Variants in PCDHA10 observed in about 807,000 individuals in gnomAD.
PCDHA10 encodes protocadherin alpha-10.
A neutral mutation model predicts 61.2 loss-of-function variants in PCDHA10; 45 were observed. The ratio of observed to expected loss-of-function variants is 0.74; its 90% CI spans 0.58 to 0.94. The LOEUF (loss-of-function observed/expected upper bound fraction) is 0.94. Ranked by LOEUF, PCDHA10 falls within the 40% of genes least tolerant of loss-of-function variation. The probability of loss-of-function intolerance (pLI) is 0.00; values close to 1 mark genes in which losing one functional copy is unlikely to be tolerated. For synonymous variants in PCDHA10, 602 were observed against 548.8 expected (o/e 1.10, Z -1.35); for missense variants, 1,278 against 1,236.2 (o/e 1.03, Z -0.51).
At chr5:140,989,865 C>T (rs1209207256) in intron 3 of PCDHA10, among the ~76,000 whole-genome samples, 1 of 152,034 alleles carries the variant, frequency 6.6e-6, no homozygotes, top group Non-Finnish European at 1.5e-5. Flanking sequence ...AGGAATCTTT[C>T]TCTGCCTCAG....
intron 1 of PCDHA10, among the ~76,000 whole-genome samples, chr5:140,947,415 G>C (rs116670354): frequency 0.021 from 3,167 of 151,674 alleles, 64 homozygotes; most frequent in Admixed American, 0.045. Flanking sequence ...TGATATTGTA[G>C]CTTTATAAAT....
At chr5:140,870,483 C>A (rs782740203) in intron 1 of PCDHA10, 13 of 1,614,122 alleles carry the variant, frequency 8.1e-6, no homozygotes, top group East Asian at 2.2e-5. Context: ...CCGAGTACAC[C>A]GTGTTCGTGA....
chr5:140,884,737 T>C (rs1554181872), intron 1 of PCDHA10: 1 of 1,443,634 alleles, frequency 6.9e-7, no homozygotes, highest in Non-Finnish European at 9.1e-7. Context: ...AAGACATCTT[T>C]CCTGCCAATT....
In PCDHA10 at chr5:140,999,156, C is replaced by T. The variant is rs533302480; in HGVS notation, c.2537-10471C>T. On this transcript the variant is annotated intron_variant, in intron 3 of 3. Transcript: ENST00000307360. ...GTCACAGCCGGAAGTCTTCAGTCCCCTAGAAGGAAAAGAGCCTGATGGGGA... is the reference window on the plus strand; with the variant it reads ...GTCACAGCCGGAAGTCTTCAGTCCCTTAGAAGGAAAAGAGCCTGATGGGGA... 4.6e-5 allele frequency among the ~76,000 whole-genome samples: 7 copies of T among 152,280 alleles called. No individual in the cohort carries two copies. In the East Asian group the frequency reaches 1.4e-3, roughly 29 times the overall value.
At chr5:140,926,974 G>C (rs145276602) in intron 1 of PCDHA10, 2 of 1,610,140 alleles carry the variant, frequency 1.2e-6, no homozygotes, top group East Asian at 2.2e-5. Context: ...CTCAGTGCCG[G>C]AGGAGACGGA....
intron 3 of PCDHA10, among the ~76,000 whole-genome samples, chr5:140,995,012 AGG>A (rs1360435760): frequency 6.6e-6 from 1 of 152,218 alleles, no homozygotes; most frequent in Non-Finnish European, 1.5e-5. Context: ...GTTTATATTT[AGG>A]AAAGAAGATT....
At chr5:140,883,628 G>A (rs903824034) in intron 1 of PCDHA10, 1 of 1,613,884 alleles carries the variant, frequency 6.2e-7, no homozygotes, top group Admixed American at 1.7e-5. Context: ...CAACGCGCCG[G>A]CGTTCGCGCA....
At chr5:140,925,286 A>G (rs545624226) in intron 1 of PCDHA10, among the ~76,000 whole-genome samples, 9 of 152,288 alleles carry the variant, frequency 5.9e-5, no homozygotes, top group African/African-American at 2.2e-4. Context: ...TTGCCTTTCA[A>G]ATGTTTCATT....
In PCDHA10 at chr5:140,856,177, C is replaced by G. The variant is rs200004763; in HGVS notation, c.129C>G (p.Phe43Leu). 6.3e-7 allele frequency: 1 copy of G among 1,598,248 alleles called. No individual in the cohort carries two copies. Among genetic ancestry groups the G allele is most frequent in the East Asian group, 2.2e-5 (1 of 44,856 alleles). The part of the protein sequence containing the change: ...SVYEEARHGT[F>L]VGRIAQDLGL... ...ACGAGGAGGCCAGACACGGCACCTT[C>G]GTGGGCCGCATCGCGCAGGACCTGG... is the stretch of plus-strand genomic sequence containing the variant. The change falls in exon 1 of 4, where the codon TTC (phenylalanine) becomes TTG (leucine). Residue 43 changes from phenylalanine (F) to leucine (L), a missense_variant. Coordinates refer to ENST00000307360, the MANE Select transcript of PCDHA10 (RefSeq NM_018901.4).
intron 3 of PCDHA10, among the ~76,000 whole-genome samples, chr5:140,996,644 A>G (rs2097736322): frequency 6.6e-6 from 1 of 152,144 alleles, no homozygotes; most frequent in Non-Finnish European, 1.5e-5. Flanking sequence ...TATGTAGTTA[A>G]TCCTGGGTGC....
At chr5:140,903,725 T>C (rs2070536820) in intron 1 of PCDHA10, among the ~76,000 whole-genome samples, 1 of 152,256 alleles carries the variant, frequency 6.6e-6, no homozygotes. Context: ...TTCTCCCTAT[T>C]ATCAATTATT....
intron 1 of PCDHA10, among the ~76,000 whole-genome samples, chr5:140,953,746 A>G (rs2094931124): frequency 6.6e-6 from 1 of 152,016 alleles, no homozygotes; most frequent in African/African-American, 2.4e-5. Context: ...TTAACATTAC[A>G]TTTATCCAAG....
intron 1 of PCDHA10, among the ~76,000 whole-genome samples, chr5:140,892,396 T>G (rs1263522999): frequency 1.3e-5 from 2 of 152,212 alleles, no homozygotes; most frequent in Non-Finnish European, 2.9e-5. Context: ...TCTTAATCTA[T>G]TTCAAGCTTC....
intron 1 of PCDHA10, chr5:140,969,185 A>G (rs782632936): frequency 1.9e-6 from 3 of 1,613,974 alleles, no homozygotes; most frequent in South Asian, 1.1e-5. Context: ...TGACACTTTC[A>G]TGTTTTACAA....
At chr5:140,947,454 C>T (rs138457341) in intron 1 of PCDHA10, among the ~76,000 whole-genome samples, 1 of 151,582 alleles carries the variant, frequency 6.6e-6, no homozygotes, top group Non-Finnish European at 1.5e-5. Flanking sequence ...ATCCTCCAAC[C>T]TTGTTCTACT....
At chr5:140,881,785 C>A (rs2058831561) in intron 1 of PCDHA10, among the ~76,000 whole-genome samples, 1 of 152,202 alleles carries the variant, frequency 6.6e-6, no homozygotes, top group South Asian at 2.1e-4. Context: ...AACTACCGAT[C>A]AATTGTCCCA....
chr5:140,873,065 C>G (rs1436390392), intron 1 of PCDHA10, among the ~76,000 whole-genome samples: 3 of 152,140 alleles, frequency 2.0e-5, no homozygotes, highest in Admixed American at 2.0e-4. Context: ...TCTTGAGAAT[C>G]ATATCTAGCT....
intron 1 of PCDHA10, chr5:140,868,350 A>G (rs962248912): frequency 6.6e-6 from 1 of 152,186 alleles, no homozygotes; most frequent in East Asian, 1.9e-4. Flanking sequence ...ATAATCAGAA[A>G]GCAATTAAAT....
chr5:140,879,097 G>T (rs2057851255), intron 1 of PCDHA10, among the ~76,000 whole-genome samples: 1 of 152,214 alleles, frequency 6.6e-6, no homozygotes, highest in Non-Finnish European at 1.5e-5. Flanking sequence ...CAACTGCACA[G>T]TATATGGTGT....
Sources: gnomAD v4.1 joint callset for allele counts (sites outside exome capture counted in the v4.1 genomes callset) on GRCh38, gnomAD v4.1.1 for gene constraint, MANE v1.5 for transcripts, NCBI Gene and HGNC (gene_info 2026-07-23, HGNC 2026-07-21) for gene names.